The following PCDHGA11 variants were observed in gnomAD, a reference collection of about 807,000 sequenced individuals.
The protein encoded by PCDHGA11 is protocadherin gamma subfamily A, 11.
In PCDHGA11, 39 loss-of-function variants were observed where a neutral mutation model predicts 60.4. The observed-to-expected ratio is 0.65, with a 90% CI of 0.50 to 0.84. The LOEUF is 0.84. PCDHGA11 is among the 40% of genes least tolerant of loss of function. The pLI is 0.00. For missense variants in PCDHGA11, 1,165 were observed against 1,197.7 expected (o/e 0.97, Z 0.40); for synonymous variants, 533 against 510.3 (o/e 1.04, Z -0.60).
chr5:141,494,115 GC>G (rs1445167222), intron 1 of PCDHGA11, among the ~76,000 whole-genome samples: 1 of 152,186 alleles, frequency 6.6e-6, no homozygotes, highest in African/African-American at 2.4e-5. Context: ...AGACAGAGCA[GC>G]CTTGTTCTCT....
Position 141,431,352 on chromosome 5 carries a change from G to C in PCDHGA11, c.2433+7692G>C. Reference sequence around the variant, plus strand: ...AAGTACCCCGAATTGGTGCTGAAACGCGCCCTGGACCGCGAAGAAAAGGCT... The same window carrying C: ...AAGTACCCCGAATTGGTGCTGAAACCCGCCCTGGACCGCGAAGAAAAGGCT... On this transcript the variant is annotated intron_variant, in intron 1 of 3. Coordinates refer to ENST00000398587, the MANE Select transcript of PCDHGA11 (RefSeq NM_018914.3). This position sits in a 1 kb window ranked among gnomAD's most constrained non-coding sequence, Gnocchi z 4.8. The C allele has an allele frequency of 6.2e-7, 1 of 1,614,044 alleles. No individual in the cohort carries two copies. The highest frequency in any genetic ancestry group is 8.5e-7 in the Non-Finnish European group (1 of 1,180,032).
chr5:141,455,759 A>G (rs1013283124), intron 1 of PCDHGA11, among the ~76,000 whole-genome samples: 4 of 152,300 alleles, frequency 2.6e-5, no homozygotes, highest in South Asian at 4.1e-4. Context: ...CCTGGCTCCT[A>G]GAGCCGGGGC....
rs576464275 is a variant in PCDHGA11, at chr5:141,448,784, CA to C, written c.2433+25135del. ...TGAAACCCCGTCTGTACTAAAAATA[CA>C]AAAAAAAAAATTAGCCAGGCGTGAT... On this transcript the variant is annotated intron_variant, in intron 1 of 3. Coordinates refer to ENST00000398587, the MANE Select transcript of PCDHGA11 (RefSeq NM_018914.3). Among the ~76,000 whole-genome samples, 323 of 145,522 alleles carry C rather than the reference CA, an allele frequency of 2.2e-3. 2 individuals are homozygous for C. The highest frequency in any genetic ancestry group is 5.9e-3 in the African/African-American group (238 of 40,012).
Position 141,487,003 on chromosome 5 carries a change from C to T in PCDHGA11, c.2434-7804C>T. The stretch of plus-strand genomic sequence containing the variant: ...ACAATGCTTGGGTTTCCTATCAGCT[C>T]CTGGAGGCCCCAGATCCCAGCCTGT... On this transcript the variant is annotated intron_variant, in intron 1 of 3. Transcript: ENST00000398587. The surrounding 1 kb of genome is among the most constrained non-coding windows in gnomAD (Gnocchi z 5.0). 1 of 1,614,228 alleles carries T rather than the reference C, an allele frequency of 6.2e-7. No homozygotes were observed.
In PCDHGA11 at chr5:141,490,363, C is replaced by G; in HGVS notation, c.2434-4444C>G. 3 of 1,614,154 alleles carry G rather than the reference C, an allele frequency of 1.9e-6. No homozygotes were observed. Among genetic ancestry groups the G allele is most frequent in the Non-Finnish European group, 2.5e-6 (3 of 1,180,032 alleles). On this transcript the variant is annotated intron_variant, in intron 1 of 3. Transcript: ENST00000398587. This position sits in a 1 kb window ranked among gnomAD's most constrained non-coding sequence, Gnocchi z 5.4. ...CACAGTAGTGGGGTTGTTTAATGTGCGAGACCGGGACTCAGGTAGAAATGG... is the reference window on the plus strand; with the variant it reads ...CACAGTAGTGGGGTTGTTTAATGTGGGAGACCGGGACTCAGGTAGAAATGG...
rs2099623095 is a variant in PCDHGA11 at position 141,486,025 on chromosome 5, T to C, written c.2434-8782T>C. 1 of 1,613,958 alleles carries C rather than the reference T, an allele frequency of 6.2e-7. No individual in the cohort carries two copies. The highest frequency in any genetic ancestry group is 8.5e-7 in the Non-Finnish European group (1 of 1,179,932). The stretch of plus-strand genomic sequence containing the variant: ...ACGTCACCTTTTATTTCAGTGGTCA[T>C]ACCCCTGATCGTGTAAGAAACCTCT... On this transcript the variant is annotated intron_variant, in intron 1 of 3. Transcript: ENST00000398587. The surrounding 1 kb of genome is among the most constrained non-coding windows in gnomAD (Gnocchi z 5.0).
chr5:141,488,046 G>A (rs958459817), intron 1 of PCDHGA11, among the ~76,000 whole-genome samples: 1 of 152,182 alleles, frequency 6.6e-6, no homozygotes, highest in African/African-American at 2.4e-5. Flanking sequence ...CCAAGGGATT[G>A]AGGGGAAATA....
chr5:141,470,297 T>A (rs2099227289), intron 1 of PCDHGA11, among the ~76,000 whole-genome samples: 2 of 152,348 alleles, frequency 1.3e-5, no homozygotes, highest in Admixed American at 1.3e-4. Flanking sequence ...TAACTGTTTT[T>A]ATTCCATTTT....
At chr5:141,466,146 T>C (rs977109086) in intron 1 of PCDHGA11, among the ~76,000 whole-genome samples, 5 of 151,880 alleles carry the variant, frequency 3.3e-5, no homozygotes, top group Non-Finnish European at 7.4e-5. Context: ...GTGAAAACTC[T>C]GGTCTTAAAC....
At position 141,491,682 on chromosome 5, in the gene PCDHGA11, G is replaced by A. The variant is rs11952292; in HGVS notation, c.2434-3125G>A. The A allele has an allele frequency of 1.9e-6, 3 of 1,613,150 alleles. No individual in the cohort carries two copies. Among genetic ancestry groups the A allele is most frequent in the South Asian group, 1.1e-5 (1 of 91,046 alleles). On this transcript the variant is annotated intron_variant, in intron 1 of 3. Coordinates refer to ENST00000398587, the MANE Select transcript of PCDHGA11 (RefSeq NM_018914.3). The surrounding 1 kb of genome is among the most constrained non-coding windows in gnomAD (Gnocchi z 6.9). Reference sequence around the variant, plus strand: ...ACGCCATCCGGTCCCGCTCTAATACGCTGCGGGAGCGGAGCCAGGTGAGGG... The same window carrying A: ...ACGCCATCCGGTCCCGCTCTAATACACTGCGGGAGCGGAGCCAGGTGAGGG...
chr5:141,478,678 C>T (rs3805695), intron 1 of PCDHGA11: 273,671 of 1,551,084 alleles, frequency 0.18, 26,385 homozygotes, highest in African/African-American at 0.39. Context: ...TTCAACTGGC[C>T]CTTCCTAGAT....
At chr5:141,442,089 C>A in intron 1 of PCDHGA11, 1 of 170,684 alleles carries the variant, frequency 5.9e-6, no homozygotes, top group South Asian at 1.1e-4. Context: ...CTCGCTACCG[C>A]CACGTCACCA....
rs1414210927 is a variant in PCDHGA11, at chr5:141,477,460, C to G, written c.2434-17347C>G. 1.9e-6 allele frequency: 3 copies of G among 1,614,014 alleles called. No homozygotes were observed. The highest frequency in any genetic ancestry group is 2.5e-6 in the Non-Finnish European group (3 of 1,180,028). On this transcript the variant is annotated intron_variant, in intron 1 of 3. Transcript: ENST00000398587. The surrounding 1 kb of genome is among the most constrained non-coding windows in gnomAD (Gnocchi z 4.9). ...TTACAATAGTGCGTGTTCAAGTGTC[C>G]GACATCAATGACAACCCTCCACAAT...
chr5:141,425,835 T>C (rs536839515), intron 1 of PCDHGA11, among the ~76,000 whole-genome samples: 1 of 152,256 alleles, frequency 6.6e-6, no homozygotes, highest in Admixed American at 6.5e-5. Flanking sequence ...TTTTAAATTC[T>C]CTTTGCTGGG....
At chr5:141,457,736 T>G (rs1265562501) in intron 1 of PCDHGA11, among the ~76,000 whole-genome samples, 1 of 152,254 alleles carries the variant, frequency 6.6e-6, no homozygotes, top group African/African-American at 2.4e-5. Flanking sequence ...AGATTAGACT[T>G]TTAAAGCTGA....
At chr5:141,501,312 C>T (rs2099807672) in intron 2 of PCDHGA11, among the ~76,000 whole-genome samples, 1 of 151,778 alleles carries the variant, frequency 6.6e-6, no homozygotes, top group South Asian at 2.1e-4. Context: ...CACACACACA[C>T]ACACACACAC....
chr5:141,441,852 G>T (rs1169073404), intron 1 of PCDHGA11: 2 of 352,708 alleles, frequency 5.7e-6, no homozygotes, highest in African/African-American at 2.2e-5. Flanking sequence ...TGGATATGGT[G>T]CTGCACGCCG....
In PCDHGA11 at chr5:141,476,016, G is replaced by C; in HGVS notation, c.2434-18791G>C. On this transcript the variant is annotated intron_variant, in intron 1 of 3. Transcript: ENST00000398587. This position sits in a 1 kb window ranked among gnomAD's most constrained non-coding sequence, Gnocchi z 7.6. ...TCAACGGCATCCAGAAAGCCATGTC[G>C]GACTCGGCGCCCAGCGCCCAAGCGC... 1 of 1,359,386 alleles carries C rather than the reference G, an allele frequency of 7.4e-7. No homozygotes were observed. The highest frequency in any genetic ancestry group is 2.3e-5 in the East Asian group (1 of 43,300). 84.2% of individuals were successfully genotyped at this position (1,359,386 alleles called of 1,614,324 possible).
chr5:141,454,088 T>C (rs2154564493), intron 1 of PCDHGA11, among the ~76,000 whole-genome samples: 1 of 152,342 alleles, frequency 6.6e-6, no homozygotes. Context: ...CAGTGAAATT[T>C]GAATTGAACA....
Sources: gnomAD v4.1 joint callset for allele counts (sites outside exome capture counted in the v4.1 genomes callset) on GRCh38, gnomAD v4.1.1 for gene constraint, Gnocchi (gnomAD v3.1) non-coding constraint, MANE v1.5 for transcripts, NCBI Gene and HGNC (gene_info 2026-07-23, HGNC 2026-07-21) for gene names.